Variants in VAV3 observed in about 807,000 individuals in gnomAD.
VAV3 encodes guanine nucleotide exchange factor VAV3.
A neutral mutation model predicts 131.2 loss-of-function variants in VAV3; 94 were observed. That is an observed-to-expected ratio of 0.72 (90% confidence interval 0.61 to 0.85). The LOEUF is 0.85. Ranked by LOEUF, VAV3 falls within the 40% of genes least tolerant of loss-of-function variation. VAV3 has a pLI of 0.00. For missense variants in VAV3, 939 were observed against 1,002.7 expected (o/e 0.94, Z 0.86); for synonymous variants, 349 against 342.0 (o/e 1.02, Z -0.22).
chr1:107,822,858 G>A (rs1667861651), intron 2 of VAV3, among the ~76,000 whole-genome samples: 1 of 151,974 alleles, frequency 6.6e-6, no homozygotes, highest in Non-Finnish European at 1.5e-5. Context: ...CACTTTTCTA[G>A]GTAATATGGA....
At chr1:107,777,204 A>G (rs781319011) in intron 4 of VAV3, 27 bp downstream of exon 4, 1 of 1,607,950 alleles carries the variant, frequency 6.2e-7, no homozygotes, top group South Asian at 1.1e-5. Flanking sequence ...GGCAGTGGCT[A>G]AATTTTGCTT....
intron 20 of VAV3, among the ~76,000 whole-genome samples, chr1:107,640,871 G>A (rs773047826): frequency 6.6e-6 from 1 of 152,150 alleles, no homozygotes; most frequent in Non-Finnish European, 1.5e-5. Context: ...GGAGGAGACT[G>A]AGCATATTTA....
intron 9 of VAV3, among the ~76,000 whole-genome samples, chr1:107,762,376 T>C (rs1664491435): frequency 1.3e-5 from 2 of 152,192 alleles, no homozygotes; most frequent in Non-Finnish European, 2.9e-5. Flanking sequence ...TTAATGAGTA[T>C]GTCTGTCTAC....
chr1:107,900,613 G>A (rs1485618102), intron 1 of VAV3, among the ~76,000 whole-genome samples: 4 of 152,178 alleles, frequency 2.6e-5, no homozygotes, highest in African/African-American at 9.7e-5. Flanking sequence ...CATTTACAGA[G>A]GGATCACTGC....
At position 107,609,920 on chromosome 1, in the gene VAV3, T is replaced by G; in HGVS notation, c.2015+11A>C. 1 of 1,612,266 alleles carries G rather than the reference T, an allele frequency of 6.2e-7. No homozygotes were observed. The highest frequency in any genetic ancestry group is 8.5e-7 in the Non-Finnish European group (1 of 1,178,716). On this transcript the variant is annotated intron_variant, in intron 22 of 26. Transcript: ENST00000370056. ...TTTCAACCTAGCTACATAAACATTT[T>G]TAATACTTACCAGGGTTGGCAAGAA...
chr1:107,650,977 T>C (rs1470502787), intron 19 of VAV3, among the ~76,000 whole-genome samples: 5 of 152,188 alleles, frequency 3.3e-5, no homozygotes, highest in African/African-American at 1.2e-4. Context: ...TGAGTTCATG[T>C]CCTTTGTAGG....
At chr1:107,869,057 C>T (rs879286280) in intron 2 of VAV3, among the ~76,000 whole-genome samples, 4 of 152,090 alleles carry the variant, frequency 2.6e-5, no homozygotes, top group African/African-American at 9.7e-5. Flanking sequence ...CACATCTACA[C>T]TCTTCTGTAT....
At chr1:107,818,041 T>C (rs1171301583) in intron 2 of VAV3, among the ~76,000 whole-genome samples, 1 of 152,140 alleles carries the variant, frequency 6.6e-6, no homozygotes, top group Non-Finnish European at 1.5e-5. Flanking sequence ...TGTCATTAAA[T>C]GGCACATGGG....
chr1:107,843,614 C>T lies in VAV3; in HGVS notation c.321+31287G>A, dbSNP rs146464618. 7.3e-5 allele frequency among the ~76,000 whole-genome samples: 11 copies of T among 151,288 alleles called. No homozygotes were observed. The East Asian group carries it at 1.9e-3, about 27-fold the overall frequency. ...AGCCATCTGCTGAAGTATGAGCAGG[C>T]GTATTTAAACCTCCACATTACCGAG... is the stretch of plus-strand genomic sequence containing the variant. On this transcript the variant is annotated intron_variant, in intron 2 of 26. Transcript: ENST00000370056.
intron 1 of VAV3, among the ~76,000 whole-genome samples, chr1:107,939,914 G>A (rs899079040): frequency 1.3e-5 from 2 of 152,102 alleles, no homozygotes; most frequent in Admixed American, 1.3e-4. Flanking sequence ...GGTAGAGAAT[G>A]TGGCCCCAGG....
At chr1:107,611,596 C>CAAAA (rs66982121) in intron 21 of VAV3, among the ~76,000 whole-genome samples, 2 of 119,922 alleles carry the variant, frequency 1.7e-5, no homozygotes, top group Admixed American at 8.4e-5. Flanking sequence ...CATAGAGAAC[C>CAAAA]AAAAAAAAAA....
chr1:107,680,007 G>A (rs115085949), intron 19 of VAV3, among the ~76,000 whole-genome samples: 1 of 152,036 alleles, frequency 6.6e-6, no homozygotes, highest in Non-Finnish European at 1.5e-5. Context: ...CACAATAGAA[G>A]ACAAGAAAAA....
At chr1:107,609,775 A>G in intron 22 of VAV3, 156 bp downstream of exon 22, 1 of 716,242 alleles carries the variant, frequency 1.4e-6, no homozygotes, top group Admixed American at 2.7e-5. Context: ...AAGGTCAGCA[A>G]TACATGAATT....
At chr1:107,788,112 T>C (rs921586430) in intron 2 of VAV3, among the ~76,000 whole-genome samples, 1 of 152,170 alleles carries the variant, frequency 6.6e-6, no homozygotes, top group Admixed American at 6.5e-5. Context: ...GCCCTCTCTA[T>C]TTCTTGCCTC....
At chr1:107,831,408 A>T (rs1370328890) in intron 2 of VAV3, among the ~76,000 whole-genome samples, 2 of 152,206 alleles carry the variant, frequency 1.3e-5, no homozygotes, top group Non-Finnish European at 2.9e-5. Flanking sequence ...AAATGAGCAA[A>T]GATAAGCATA....
At chr1:107,713,178 T>C (rs1374548001) in intron 15 of VAV3, among the ~76,000 whole-genome samples, 2 of 152,164 alleles carry the variant, frequency 1.3e-5, no homozygotes, top group Non-Finnish European at 2.9e-5. Flanking sequence ...TTCATGAGGC[T>C]TATATTCTGC....
rs1009859235 is a variant in VAV3, at chr1:107,749,172, A to C, written c.1393-95T>G. 24 of 951,978 alleles carry C rather than the reference A, an allele frequency of 2.5e-5. No homozygotes were observed. In the Admixed American group the frequency reaches 6.4e-4, roughly 25 times the overall value. The allele number at this position is 951,978 out of a possible 1,614,324, so 59.0% of individuals were successfully genotyped here. ...CACAACTATCCAAAAACTCCTCACA[A>C]TATTATCAATGTACAAACTGAACAA... On this transcript the variant is annotated intron_variant, in intron 14 of 26. Coordinates refer to ENST00000370056, the MANE Select transcript of VAV3 (RefSeq NM_006113.5).
intron 19 of VAV3, among the ~76,000 whole-genome samples, chr1:107,673,976 A>T (rs1432469270): frequency 6.6e-6 from 1 of 152,198 alleles, no homozygotes; most frequent in Admixed American, 6.5e-5. Flanking sequence ...GTCATTTTTT[A>T]AAAAGTGTAT....
At chr1:107,730,375 G>A (rs1662156355) in intron 15 of VAV3, among the ~76,000 whole-genome samples, 1 of 152,194 alleles carries the variant, frequency 6.6e-6, no homozygotes. Context: ...CTCAGACCAT[G>A]AGGCTTTCCT....
Sources: gnomAD v4.1 joint callset for allele counts (sites outside exome capture counted in the v4.1 genomes callset) on GRCh38, gnomAD v4.1.1 for gene constraint, MANE v1.5 for transcripts, NCBI Gene and HGNC (gene_info 2026-07-23, HGNC 2026-07-21) for gene names.